Variants in SHE observed in about 807,000 individuals in gnomAD.
SHE encodes the protein SH2 domain-containing adapter protein E.
SHE carries 11 observed loss-of-function variants against 49.8 expected under a neutral mutation model. The ratio of observed to expected loss-of-function variants is 0.22; its 90% CI spans 0.14 to 0.37. The LOEUF (loss-of-function observed/expected upper bound fraction) is 0.37, where lower values mean the gene tolerates loss of function less well. SHE is among the 10% of genes least tolerant of loss of function. The pLI, the probability that SHE is intolerant of heterozygous loss-of-function variation, is 1.00. For missense variants in SHE, 624 were observed against 655.5 expected (o/e 0.95, Z 0.52); for synonymous variants, 310 against 278.1 (o/e 1.11, Z -1.14).
intron 2 of SHE, among the ~76,000 whole-genome samples, chr1:154,493,429 G>A (rs527980626): frequency 1.3e-5 from 2 of 152,198 alleles, no homozygotes; most frequent in Non-Finnish European, 1.5e-5. Context: ...AAGAGGAAAC[G>A]AGCCTGAGAA....
chr1:154,494,374 G>GTT (rs779645667), intron 2 of SHE, among the ~76,000 whole-genome samples: 14,215 of 118,576 alleles, frequency 0.12, 981 homozygotes, highest in South Asian at 0.18. Context: ...AGACATAACA[G>GTT]TTTTTTTTTT....
intron 1 of SHE, among the ~76,000 whole-genome samples, chr1:154,470,998 T>G (rs1691728264): frequency 7.1e-6 from 1 of 140,314 alleles, no homozygotes; most frequent in Non-Finnish European, 1.5e-5. Context: ...TGACAAAGAG[T>G]GAGTGAGACT....
rs1692630774 is a variant in SHE, at chr1:154,499,198, T to C, written c.632A>G (p.Lys211Arg). ...LEDYADPYDA[K>R]RTKGQRDAER... ...TGCATCCCTTTGACCCTTTGTCCGT[T>C]TGGCATCATAAGGGTCAGCATAGTC... Residue 211 changes from lysine to arginine, a missense_variant, in exon 2 of 6, where the codon AAA becomes AGA. By Grantham distance (26) the Lys-to-Arg change is conservative. Around this residue, in one of 4 missense-constraint regions of SHE, gnomAD observed 337 missense variants for 306.0 expected, o/e 1.10. Coordinates refer to ENST00000304760, the MANE Select transcript of SHE (RefSeq NM_001010846.3). 12 of 1,614,070 alleles carry C rather than the reference T, an allele frequency of 7.4e-6. No individual in the cohort carries two copies. The East Asian group carries it at 1.3e-4, about 18-fold the overall frequency.
chr1:154,475,511 A>G (rs946776697), downstream of SHE, among the ~76,000 whole-genome samples: 2 of 152,022 alleles, frequency 1.3e-5, no homozygotes, highest in African/African-American at 2.4e-5. Context: ...TTCTAAGTGC[A>G]TTTAGGAAGT....
rs903912581 is a variant in SHE, at chr1:154,483,235, T to C, written c.*914A>G. 2.0e-6 allele frequency: 2 copies of C among 985,280 alleles called. No homozygotes were observed. Among genetic ancestry groups the C allele is most frequent in the Middle Eastern group, 5.2e-4 (1 of 1,936 alleles). The allele number at this position is 985,280 out of a possible 1,614,324, so 61.0% of individuals were successfully genotyped here. On this transcript the variant is annotated 3_prime_UTR_variant, in exon 6 of 6. Transcript: ENST00000304760. The stretch of plus-strand genomic sequence containing the variant: ...TAAAAAATGAGAAAATCCACAGAGA[T>C]TGAGAGAACACACACTTTCTTGGAA...
downstream of SHE, among the ~76,000 whole-genome samples, chr1:154,476,089 C>T (rs533190691): frequency 6.6e-6 from 1 of 152,340 alleles, no homozygotes; most frequent in East Asian, 1.9e-4. Flanking sequence ...CTCACACCTA[C>T]AATCCTTGTA....
chr1:154,497,652 G>T (rs1692572379), intron 2 of SHE, among the ~76,000 whole-genome samples: 1 of 152,052 alleles, frequency 6.6e-6, no homozygotes, highest in African/African-American at 2.4e-5. Context: ...GCCTTGAATG[G>T]CTTGGTTTAC....
chr1:154,489,133 C>A lies in SHE; in HGVS notation c.942G>T (p.Leu314=). The change falls in exon 3 of 6, where the codon CTG becomes CTT. Residue 314 remains leucine, a synonymous_variant. Transcript: ENST00000304760. ...EGKARPPDSR[L]PENDERPAAE... The stretch of plus-strand genomic sequence containing the variant: ...CCGCGGGCCTCTCGTCGTTCTCGGG[C>A]AGCCGGCTGTCTGGGGGCCGCGCCT... The A allele has an allele frequency of 1.1e-5, 17 of 1,613,856 alleles. No individual in the cohort carries two copies. Among genetic ancestry groups the A allele is most frequent in the Non-Finnish European group, 1.4e-5 (17 of 1,179,852 alleles).
chr1:154,477,508 T>C (rs1252297638), downstream of SHE, among the ~76,000 whole-genome samples: 4 of 152,180 alleles, frequency 2.6e-5, no homozygotes, highest in African/African-American at 7.2e-5. Context: ...ACTTGGCCTA[T>C]GTTAACCATT....
At chr1:154,469,643 A>G (rs1691696516), downstream of SHE, 1 of 152,284 alleles carries the variant, frequency 6.6e-6, no homozygotes, top group Non-Finnish European at 1.5e-5. Flanking sequence ...GCAATTTCTC[A>G]GAAGGCTTTA....
chr1:154,498,364 G>A (rs1242111807), intron 2 of SHE, among the ~76,000 whole-genome samples: 2 of 150,550 alleles, frequency 1.3e-5, no homozygotes, highest in Admixed American at 6.6e-5. Context: ...CCAAAGTGCT[G>A]GGATTATAGG....
In SHE at chr1:154,501,517, G is replaced by C; in HGVS notation, c.510C>G (p.Ser170Arg). ...NYPSSSSSSS[S>R]SSSSASSSPS... is the part of the protein sequence containing the mutation. ...GGGAAGAGGACGCGGAGGAAGAGGA[G>C]CTGGAGCTGGAGCTACTGCTGCTGG... Residue 170 changes from serine (S) to arginine (R), a missense_variant, in exon 1 of 6, where the codon AGC becomes AGG. Around this residue, in one of 4 missense-constraint regions of SHE, gnomAD observed 337 missense variants for 306.0 expected, o/e 1.10. Transcript: ENST00000304760. 1 of 1,614,184 alleles carries C rather than the reference G, an allele frequency of 6.2e-7. No homozygotes were observed. Among genetic ancestry groups the C allele is most frequent in the Non-Finnish European group, 8.5e-7 (1 of 1,179,998 alleles).
chr1:154,486,537 C>G lies in SHE; in HGVS notation c.1171G>C (p.Glu391Gln). 4 of 1,614,118 alleles carry G rather than the reference C, an allele frequency of 2.5e-6. No homozygotes were observed. Among genetic ancestry groups the G allele is most frequent in the Non-Finnish European group, 3.4e-6 (4 of 1,180,012 alleles). ...GEKVDPGLPLEKQPWYHGAIS... is the reference protein window; with the variant it reads ...GEKVDPGLPLQKQPWYHGAIS... ...GAGGAGGAGACTCACGGCTGCTTCT[C>G]CAGGGGCAGGCCCGGGTCCACTTTC... The change falls in exon 4 of 6, where the codon GAG becomes CAG. Residue 391 changes from glutamate to glutamine, a missense_variant. Transcript: ENST00000304760.
At chr1:154,476,178 G>A (rs918348836), downstream of SHE, among the ~76,000 whole-genome samples, 2 of 151,942 alleles carry the variant, frequency 1.3e-5, no homozygotes, top group East Asian at 3.9e-4. Flanking sequence ...AGACCTTGTC[G>A]CTACAAAAAT....
At chr1:154,486,438 A>C in intron 4 of SHE, 89 bp downstream of exon 4, 1 of 1,512,524 alleles carries the variant, frequency 6.6e-7, no homozygotes, top group Non-Finnish European at 8.9e-7. Flanking sequence ...AACAAAAATA[A>C]TCATGTGAAA....
intron 1 of SHE, among the ~76,000 whole-genome samples, chr1:154,500,533 G>A (rs1043507210): frequency 1.3e-5 from 2 of 152,178 alleles, no homozygotes; most frequent in African/African-American, 4.8e-5. Flanking sequence ...GAAAATTAAA[G>A]CTCCCATGCA....
At position 154,480,851 on chromosome 1, in the gene SHE, A is replaced by G. The variant is rs1691999552; in HGVS notation, c.*3298T>C. 2.0e-6 allele frequency: 2 copies of G among 985,134 alleles called. No individual in the cohort carries two copies. The highest frequency in any genetic ancestry group is 3.5e-5 in the African/African-American group (2 of 57,146). 61.0% of individuals were successfully genotyped at this position (985,134 alleles called of 1,614,324 possible). The stretch of plus-strand genomic sequence containing the variant: ...ATCAAAGTAAATAGCAAGGTCCTTT[A>G]CTCTCTCTTCTTATAGGCCTGAAAC... On this transcript the variant is annotated 3_prime_UTR_variant, in exon 6 of 6. Transcript: ENST00000304760.
chr1:154,472,740 T>C (rs1414557426), intron 1 of SHE, among the ~76,000 whole-genome samples: 1 of 152,218 alleles, frequency 6.6e-6, no homozygotes, highest in Non-Finnish European at 1.5e-5. Flanking sequence ...CACAGCAACA[T>C]GTTTCAGTGG....
At chr1:154,498,680 G>A (rs561326432) in intron 2 of SHE, among the ~76,000 whole-genome samples, 63 of 152,308 alleles carry the variant, frequency 4.1e-4, no homozygotes, top group African/African-American at 1.5e-3. Context: ...ATAGGCACGA[G>A]CCACTGCACC....
Sources: allele counts gnomAD v4.1 joint callset (sites outside exome capture counted in the v4.1 genomes callset), GRCh38; gene constraint gnomAD v4.1.1; regional missense constraint gnomAD v4.1.1; transcripts MANE v1.5; gene names NCBI Gene and HGNC (gene_info 2026-07-23, HGNC 2026-07-21).